CSMD1: variants seen among roughly 807,000 people sequenced by gnomAD.
CSMD1 encodes the protein CUB and sushi domain-containing protein 1.
Under a neutral mutation model 417.5 loss-of-function variants are expected in CSMD1, and 213 were observed. The ratio of observed to expected loss-of-function variants is 0.51; its 90% confidence interval spans 0.46 to 0.57. CSMD1 has a LOEUF of 0.57. CSMD1 is among the 20% of genes least tolerant of loss of function. The pLI, the probability that CSMD1 is intolerant of heterozygous loss-of-function variation, is 0.00. For synonymous variants in CSMD1, 2,862 were observed against 1,736.8 expected (o/e 1.65, Z -16.11); for missense variants, 6,923 against 4,529.7 (o/e 1.53, Z -15.17).
intron 1 of CSMD1, among the ~76,000 whole-genome samples, chr8:4,869,223 T>C (rs1056559754): frequency 6.6e-6 from 1 of 152,012 alleles, no homozygotes; most frequent in African/African-American, 2.4e-5. Flanking sequence ...TATTTTCCCA[T>C]AGAAAAGCAT....
At chr8:3,251,214 T>G (rs1800228462) in intron 26 of CSMD1, among the ~76,000 whole-genome samples, 1 of 152,192 alleles carries the variant, frequency 6.6e-6, no homozygotes, top group Non-Finnish European at 1.5e-5. Flanking sequence ...ATTTAAGTCT[T>G]TAACCCATCT....
chr8:4,303,125 A>G (rs13269472), intron 3 of CSMD1, among the ~76,000 whole-genome samples: 112,109 of 151,984 alleles, frequency 0.74, 41,553 homozygotes, highest in East Asian at 0.85. Flanking sequence ...TAAGGACATT[A>G]TGATTTTCTC....
At chr8:3,943,397 TG>T (rs1811015615) in intron 5 of CSMD1, among the ~76,000 whole-genome samples, 1 of 144,244 alleles carries the variant, frequency 6.9e-6, no homozygotes, top group African/African-American at 2.6e-5. Flanking sequence ...TATATTAGAA[TG>T]TCTTATAAGT....
chr8:3,288,682 TTC>T (rs1405335283), intron 25 of CSMD1, among the ~76,000 whole-genome samples: 3 of 147,252 alleles, frequency 2.0e-5, no homozygotes, highest in Non-Finnish European at 4.4e-5. Flanking sequence ...TATTTGATTC[TTC>T]TCTCTTTTCT....
intron 10 of CSMD1, among the ~76,000 whole-genome samples, chr8:3,500,836 C>T (rs568584876): frequency 9.2e-5 from 14 of 152,176 alleles, no homozygotes; most frequent in South Asian, 2.1e-4. Context: ...TGTGAGGAAG[C>T]GGAGTAAGTG....
intron 1 of CSMD1, among the ~76,000 whole-genome samples, chr8:4,854,766 C>A (rs1258926317): frequency 6.6e-6 from 1 of 152,182 alleles, no homozygotes; most frequent in African/African-American, 2.4e-5. Context: ...GGGTCCTACA[C>A]CCACAGAGTC....
chr8:4,528,902 C>T (rs893195600), intron 2 of CSMD1, among the ~76,000 whole-genome samples: 10 of 152,038 alleles, frequency 6.6e-5, no homozygotes, highest in Admixed American at 2.0e-4. Context: ...ATGTTTGAGA[C>T]GGGATTAGCT....
At chr8:4,062,146 T>C (rs1010804678) in intron 3 of CSMD1, among the ~76,000 whole-genome samples, 2 of 151,978 alleles carry the variant, frequency 1.3e-5, no homozygotes, top group East Asian at 1.9e-4. Flanking sequence ...GCTCATGATA[T>C]GCACTGATAC....
chr8:2,958,584 G>T (rs752446902), intron 62 of CSMD1, among the ~76,000 whole-genome samples: 2 of 152,184 alleles, frequency 1.3e-5, no homozygotes, highest in African/African-American at 4.8e-5. Flanking sequence ...GTGTTGAGGG[G>T]CACCAAAGAT....
At chr8:3,297,499 G>A (rs1320797972) in intron 25 of CSMD1, among the ~76,000 whole-genome samples, 3 of 152,054 alleles carry the variant, frequency 2.0e-5, no homozygotes, top group Non-Finnish European at 4.4e-5. Flanking sequence ...ATACAGTTTG[G>A]AAACAGATCT....
At chr8:4,202,650 C>A (rs921622112) in intron 3 of CSMD1, among the ~76,000 whole-genome samples, 1 of 152,152 alleles carries the variant, frequency 6.6e-6, no homozygotes, top group African/African-American at 2.4e-5. Flanking sequence ...TCGAATACAA[C>A]CAACCCTGTA....
At chr8:3,708,875 A>G (rs894065082) in intron 6 of CSMD1, among the ~76,000 whole-genome samples, 1 of 152,152 alleles carries the variant, frequency 6.6e-6, no homozygotes, top group African/African-American at 2.4e-5. Context: ...AGTTTGCTAT[A>G]ATCATGAAAA....
intron 7 of CSMD1, among the ~76,000 whole-genome samples, chr8:3,634,412 C>T (rs1796932620): frequency 6.6e-6 from 1 of 152,164 alleles, no homozygotes; most frequent in African/African-American, 2.4e-5. Context: ...GGTCTGCAAT[C>T]CTCTGTGCGT....
At chr8:3,548,698 A>ACACACC (rs1194921077) in intron 10 of CSMD1, among the ~76,000 whole-genome samples, 2 of 149,288 alleles carry the variant, frequency 1.3e-5, no homozygotes, top group South Asian at 4.3e-4. Context: ...ACACACACAC[A>ACACACC]CACCATGGTT....
intron 25 of CSMD1, among the ~76,000 whole-genome samples, chr8:3,287,730 C>G (rs1327005323): frequency 1.3e-5 from 2 of 152,132 alleles, no homozygotes; most frequent in East Asian, 1.9e-4. Flanking sequence ...TCTCCATATA[C>G]AATCACGTCA....
At chr8:4,742,875 A>G (rs1044517677) in intron 1 of CSMD1, among the ~76,000 whole-genome samples, 5 of 152,212 alleles carry the variant, frequency 3.3e-5, no homozygotes, top group African/African-American at 4.8e-5. Flanking sequence ...TGGTCTGTTT[A>G]TAAGAGACAT....
At chr8:4,617,084 CTA>C (rs1462880037) in intron 2 of CSMD1, among the ~76,000 whole-genome samples, 5 of 150,606 alleles carry the variant, frequency 3.3e-5, no homozygotes, top group Non-Finnish European at 5.9e-5. Flanking sequence ...TGTTAAGACT[CTA>C]TATTTTTTCA....
intron 23 of CSMD1, among the ~76,000 whole-genome samples, chr8:3,320,663 AG>A (rs1806093234): frequency 6.6e-6 from 1 of 152,308 alleles, no homozygotes; most frequent in East Asian, 1.9e-4. Context: ...GGGACGCAAG[AG>A]CGCAGTTCCT....
chr8:3,728,648 G>A (rs1196302298), intron 6 of CSMD1, among the ~76,000 whole-genome samples: 1 of 152,154 alleles, frequency 6.6e-6, no homozygotes, highest in South Asian at 2.1e-4. Flanking sequence ...CAGTCGTGTG[G>A]GGAGCACAGA....
Sources: gnomAD v4.1 joint callset for allele counts (sites outside exome capture counted in the v4.1 genomes callset) on GRCh38, gnomAD v4.1.1 for gene constraint, MANE v1.5 for transcripts, NCBI Gene and HGNC (gene_info 2026-07-23, HGNC 2026-07-21) for gene names.